Variants in CAMTA1 observed in about 807,000 individuals in gnomAD.
CAMTA1 encodes the protein calmodulin binding transcription activator 1.
CAMTA1 carries 27 observed loss-of-function variants against 170.9 expected under a neutral mutation model. That is an observed-to-expected ratio of 0.16 (90% CI 0.12 to 0.22). The LOEUF (loss-of-function observed/expected upper bound fraction) is 0.22. CAMTA1 is among the 10% of genes least tolerant of loss of function. The pLI is 1.00. For synonymous variants in CAMTA1, 833 were observed against 891.5 expected, an observed-to-expected ratio of 0.93 and a Z score of 1.17; for missense variants, 1,619 against 2,217.2, an observed-to-expected ratio of 0.73 and a Z score of 5.42.
At chr1:7,078,969 G>A (rs917133971) in intron 3 of CAMTA1, among the ~76,000 whole-genome samples, 1 of 152,186 alleles carries the variant, frequency 6.6e-6, no homozygotes, top group African/African-American at 2.4e-5. Context: ...AACTTTTATG[G>A]CTCTCCTGGG....
At chr1:7,661,220 G>A (rs1477919675) in intron 7 of CAMTA1, among the ~76,000 whole-genome samples, 1 of 144,756 alleles carries the variant, frequency 6.9e-6, no homozygotes, top group Admixed American at 7.2e-5. Context: ...CAGGAAGCCA[G>A]AGTCTTACCC....
intron 4 of CAMTA1, among the ~76,000 whole-genome samples, chr1:7,207,296 G>T (rs904690402): frequency 6.6e-6 from 1 of 152,142 alleles, no homozygotes; most frequent in Non-Finnish European, 1.5e-5. Flanking sequence ...AGGTGATATC[G>T]CTGGATAACA....
chr1:7,081,216 G>A (rs1639972472), intron 3 of CAMTA1, among the ~76,000 whole-genome samples: 1 of 152,222 alleles, frequency 6.6e-6, no homozygotes, highest in Non-Finnish European at 1.5e-5. Flanking sequence ...GAATAATAGT[G>A]ATGATTATAA....
chr1:7,333,137 A>G lies in CAMTA1; in HGVS notation c.438+83511A>G, dbSNP rs1001801863. 8.5e-5 allele frequency among the ~76,000 whole-genome samples: 13 copies of G among 152,204 alleles called. No individual in the cohort carries two copies. Among genetic ancestry groups the G allele is most frequent in the African/African-American group, 3.1e-4 (13 of 41,460 alleles). On this transcript the variant is annotated intron_variant, in intron 5 of 22. Transcript: ENST00000303635. This position sits in a 1 kb window ranked among gnomAD's most constrained non-coding sequence, Gnocchi z 4.4. Reference sequence around the variant, plus strand: ...CTTTAGTCCTAGTGGCAGGTCACCCAGTGACTGGCATTCAGGAGCTAAACT... The same window carrying G: ...CTTTAGTCCTAGTGGCAGGTCACCCGGTGACTGGCATTCAGGAGCTAAACT...
intron 11 of CAMTA1, among the ~76,000 whole-genome samples, chr1:7,696,193 T>C (rs1292529812): frequency 2.0e-5 from 3 of 152,052 alleles, no homozygotes; most frequent in African/African-American, 4.8e-5. Context: ...TGTTTTGTTG[T>C]TGCTGTTTTG....
At chr1:7,405,256 G>A (rs750290866) in intron 5 of CAMTA1, among the ~76,000 whole-genome samples, 11 of 152,122 alleles carry the variant, frequency 7.2e-5, no homozygotes, top group South Asian at 2.1e-4. Context: ...GCCTAAAAGC[G>A]CATCTTGAAG....
At chr1:6,980,651 C>T (rs997676133) in intron 3 of CAMTA1, among the ~76,000 whole-genome samples, 2 of 152,060 alleles carry the variant, frequency 1.3e-5, no homozygotes, top group African/African-American at 4.8e-5. Context: ...CTTTCCTGTG[C>T]TCTTCTCATG....
intron 4 of CAMTA1, among the ~76,000 whole-genome samples, chr1:7,228,327 G>T (rs1662076682): frequency 6.6e-6 from 1 of 152,214 alleles, no homozygotes; most frequent in South Asian, 2.1e-4. Flanking sequence ...ACTCAGCCGG[G>T]CATGGTGGCT....
intron 4 of CAMTA1, among the ~76,000 whole-genome samples, chr1:7,239,635 ATTTTTTTTTTTT>A (rs34166595): frequency 7.7e-5 from 8 of 103,954 alleles, no homozygotes; most frequent in Admixed American, 2.1e-4. Context: ...TTCAAGGTCA[ATTTTTTTTTTTT>A]TTTTTTTTTT....
chr1:7,440,012 G>A (rs2092470434), intron 5 of CAMTA1, among the ~76,000 whole-genome samples: 1 of 152,254 alleles, frequency 6.6e-6, no homozygotes, highest in Non-Finnish European at 1.5e-5. Context: ...TGGCAAGGGA[G>A]GCAGGTGGCT....
chr1:6,950,370 C>T (rs1688272588), intron 3 of CAMTA1, among the ~76,000 whole-genome samples: 1 of 152,118 alleles, frequency 6.6e-6, no homozygotes, highest in Non-Finnish European at 1.5e-5. Flanking sequence ...TGAGAGTATT[C>T]CCTTGGCATC....
intron 7 of CAMTA1, among the ~76,000 whole-genome samples, chr1:7,649,768 C>T (rs2095836357): frequency 6.6e-6 from 1 of 152,194 alleles, no homozygotes; most frequent in Non-Finnish European, 1.5e-5. Flanking sequence ...GACAGGAGAT[C>T]CCCCTTTTGT....
chr1:7,556,545 G>A (rs1055423679), intron 6 of CAMTA1, among the ~76,000 whole-genome samples: 5 of 152,112 alleles, frequency 3.3e-5, no homozygotes, highest in Non-Finnish European at 5.9e-5. Context: ...CCATGCACAC[G>A]CACATCACCT....
intron 11 of CAMTA1, among the ~76,000 whole-genome samples, chr1:7,703,428 T>C (rs901383474): frequency 9.2e-5 from 14 of 152,204 alleles, no homozygotes; most frequent in African/African-American, 3.1e-4. Context: ...AGGTTTACAG[T>C]GGGTGGCAGC....
chr1:7,667,013 C>A (rs145461631), intron 9 of CAMTA1, among the ~76,000 whole-genome samples: 2 of 152,108 alleles, frequency 1.3e-5, no homozygotes, highest in Non-Finnish European at 2.9e-5. Context: ...CTCAGCCTGC[C>A]GAGTAGCTGG....
At chr1:7,015,245 C>T (rs1033182089) in intron 3 of CAMTA1, among the ~76,000 whole-genome samples, 10 of 152,120 alleles carry the variant, frequency 6.6e-5, no homozygotes, top group African/African-American at 1.9e-4. Flanking sequence ...GAGTGGGAGG[C>T]GCTAATGACC....
At chr1:6,966,720 C>T (rs942665645) in intron 3 of CAMTA1, among the ~76,000 whole-genome samples, 1 of 149,202 alleles carries the variant, frequency 6.7e-6, no homozygotes, top group African/African-American at 2.5e-5. Context: ...TAGCAATTCT[C>T]CTGCCTCAGC....
intron 9 of CAMTA1, among the ~76,000 whole-genome samples, chr1:7,669,027 C>A (rs2096029946): frequency 6.6e-6 from 1 of 152,188 alleles, no homozygotes; most frequent in Admixed American, 6.5e-5. Context: ...TTCCACGGAG[C>A]TGCAAATATC....
intron 5 of CAMTA1, among the ~76,000 whole-genome samples, chr1:7,433,139 G>C (rs2092235036): frequency 6.6e-6 from 1 of 152,250 alleles, no homozygotes; most frequent in Non-Finnish European, 1.5e-5. Flanking sequence ...CCTGCTCATG[G>C]AGGTCCCTGA....
Sources: allele counts gnomAD v4.1 joint callset (sites outside exome capture counted in the v4.1 genomes callset), GRCh38; gene constraint gnomAD v4.1.1; non-coding constraint Gnocchi (gnomAD v3.1); transcripts MANE v1.5; gene names NCBI Gene and HGNC (gene_info 2026-07-23, HGNC 2026-07-21).